Variants in UBN2 observed in about 807,000 individuals in gnomAD.
UBN2 encodes the protein ubinuclein 2.
UBN2 carries 35 observed loss-of-function variants against 120.2 expected under a neutral mutation model. That is an observed-to-expected ratio of 0.29 (90% CI 0.22 to 0.39). The LOEUF is 0.39. Among genes scored for constraint, UBN2 ranks in the 10% least tolerant of loss-of-function variants. UBN2 has a pLI of 1.00. For synonymous variants in UBN2, 661 were observed against 648.7 expected (o/e 1.02, Z -0.29); for missense variants, 1,693 against 1,663.2 (o/e 1.02, Z -0.31).
chr7:139,263,766 CAA>C (rs34511009), intron 6 of UBN2, among the ~76,000 whole-genome samples: 17 of 64,822 alleles, frequency 2.6e-4, no homozygotes, highest in Non-Finnish European at 2.4e-4. Context: ...GACTCCATCT[CAA>C]AAAAAAAAAA....
intron 2 of UBN2, among the ~76,000 whole-genome samples, chr7:139,242,226 A>C (rs1796339383): frequency 6.6e-6 from 1 of 152,240 alleles, no homozygotes; most frequent in Admixed American, 6.5e-5. Context: ...CCAAGTAGTT[A>C]GTTTTGAAAG....
intron 16 of UBN2, 126 bp downstream of exon 16, chr7:139,293,589 T>A (rs894542680): frequency 6.0e-6 from 5 of 838,242 alleles, no homozygotes; most frequent in Admixed American, 6.1e-5. Flanking sequence ...TTTTTTTTTT[T>A]AAGAAATGCA....
intron 15 of UBN2, among the ~76,000 whole-genome samples, chr7:139,291,043 T>G (rs1585029412): frequency 1.3e-5 from 2 of 152,094 alleles, no homozygotes; most frequent in East Asian, 3.8e-4. Flanking sequence ...TTTAAAATAG[T>G]CAACAAATTC....
At chr7:139,316,077 C>CAAAAAAAAAAAAAAAAAAA in the UBN2 span, among the ~76,000 whole-genome samples, 2 of 14,186 alleles carry the variant, frequency 1.4e-4, 1 homozygote, top group Non-Finnish European at 3.0e-4. Context: ...GACTTCGTCT[C>CAAAAAAAAAAAAAAAAAAA]AAAAAAAAAA....
intron 2 of UBN2, among the ~76,000 whole-genome samples, chr7:139,238,065 G>A (rs1012718135): frequency 1.3e-5 from 2 of 152,118 alleles, no homozygotes; most frequent in African/African-American, 4.8e-5. Context: ...TTTGTAGAAA[G>A]CCCCACTCCT....
chr7:139,320,086 AAG>A, the UBN2 span, among the ~76,000 whole-genome samples: 1,499 of 148,328 alleles, frequency 0.01, 34 homozygotes, highest in African/African-American at 0.035. Context: ...AAAAAAAAAA[AAG>A]AGAGAAATTT....
At position 139,305,508 on chromosome 7, in the gene UBN2, T is replaced by G. The variant is rs1798342431; in HGVS notation, c.*7672T>G. 6.6e-6 allele frequency: 1 copy of G among 152,248 alleles called. No individual in the cohort carries two copies. Among genetic ancestry groups the G allele is most frequent in the African/African-American group, 2.4e-5 (1 of 41,458 alleles). 9.4% of individuals were successfully genotyped at this position (152,248 alleles called of 1,614,324 possible). ...TAAATTTTATTTTTCTCATAGACTC[T>G]CAAAGTACCACTTGCTTGAAAGTAG... is the stretch of plus-strand genomic sequence containing the variant. On this transcript the variant is annotated 3_prime_UTR_variant, in exon 18 of 18. Transcript: ENST00000473989.
chr7:139,266,226 C>CAAAA (rs377760158), intron 6 of UBN2, 107 bp from the exon 7 acceptor site: 33 of 345,504 alleles, frequency 9.6e-5, no homozygotes, highest in South Asian at 1.7e-4. Context: ...GGCCCTATCT[C>CAAAA]AAAAAAAAAA....
chr7:139,292,568 A>G (rs1032943531), intron 15 of UBN2, among the ~76,000 whole-genome samples: 10 of 152,214 alleles, frequency 6.6e-5, no homozygotes, highest in Non-Finnish European at 1.0e-4. Flanking sequence ...TCTGTTTGAT[A>G]ATAAAAGGAA....
At chr7:139,295,616 G>A (rs767124199) in intron 17 of UBN2, among the ~76,000 whole-genome samples, 18 of 152,198 alleles carry the variant, frequency 1.2e-4, no homozygotes, top group Non-Finnish European at 2.1e-4. Context: ...AATAACTAAA[G>A]TTAAAAAGTT....
At position 139,282,055 on chromosome 7, in the gene UBN2, G is replaced by A; in HGVS notation, c.2118G>A (p.Lys706=). 2 of 1,613,320 alleles carry A rather than the reference G, an allele frequency of 1.2e-6. No individual in the cohort carries two copies. Among genetic ancestry groups the A allele is most frequent in the South Asian group, 1.1e-5 (1 of 91,046 alleles). ...TCCATTCTTTCCCCACTATGCTTAA[G>A]GTAAGTGCTATGGTTGTATCAATCA... The part of the protein sequence containing the change: ...LPLHSFPTML[K]ECSPKKDQKT... The change falls in exon 14 of 18, where the codon AAG becomes AAA. Residue 706 remains lysine, a splice_region_variant and synonymous_variant. Transcript: ENST00000473989.
At position 139,283,854 on chromosome 7, in the gene UBN2, C is replaced by G. The variant is rs1585022922; in HGVS notation, c.2949C>G (p.Pro983=). ...TSDKPLMYRL[P]LSTPSPGNGS... is the part of the protein sequence containing the mutation. The stretch of plus-strand genomic sequence containing the variant: ...ATAAGCCACTTATGTACCGCCTTCC[C>G]TTATCTACCCCCTCACCTGGAAATG... The change falls in exon 15 of 18, where the codon CCC becomes CCG. Residue 983 remains proline (P), a synonymous_variant. Coordinates refer to ENST00000473989, the MANE Select transcript of UBN2 (RefSeq NM_173569.4). The G allele has an allele frequency of 6.2e-7, 1 of 1,614,190 alleles. No individual in the cohort carries two copies. Among genetic ancestry groups the G allele is most frequent in the Middle Eastern group, 1.6e-4 (1 of 6,062 alleles).
intron 7 of UBN2, 116 bp downstream of exon 7, chr7:139,266,519 C>T: frequency 1.8e-6 from 1 of 549,674 alleles, no homozygotes; most frequent in African/African-American, 2.0e-5. Context: ...CCCCTTAAGC[C>T]TTACAGCATG....
the UBN2 span, among the ~76,000 whole-genome samples, chr7:139,328,956 G>A: frequency 6.6e-6 from 1 of 151,920 alleles, no homozygotes; most frequent in African/African-American, 2.4e-5. Flanking sequence ...TAAAAATCAT[G>A]AACTTCAGGC....
intron 17 of UBN2, among the ~76,000 whole-genome samples, chr7:139,297,282 C>T (rs992253589): frequency 2.0e-5 from 3 of 151,644 alleles, no homozygotes; most frequent in Non-Finnish European, 4.4e-5. Flanking sequence ...ACACACTCAG[C>T]TGGATGTTTT....
intron 17 of UBN2, among the ~76,000 whole-genome samples, chr7:139,295,720 G>C (rs2131071231): frequency 6.6e-6 from 1 of 152,320 alleles, no homozygotes; most frequent in South Asian, 2.1e-4. Flanking sequence ...AGGAGTTCGA[G>C]ACCAACCTGG....
rs1203992970 is a variant in UBN2, at chr7:139,231,923, C to T, written c.439C>T (p.Pro147Ser). ...TDESCVEFSY[P>S]ELLLCGEQRK... ...CGAGAGCTGCGTGGAGTTCAGTTACCCGGAGCTGCTGCTGTGCGGAGAACA... is the reference window on the plus strand; with the variant it reads ...CGAGAGCTGCGTGGAGTTCAGTTACTCGGAGCTGCTGCTGTGCGGAGAACA... The change falls in exon 1 of 18, where the codon CCG becomes TCG. Residue 147 changes from proline (P) to serine (S), a missense_variant. Physicochemically the swap from Pro to Ser is moderately conservative, Grantham distance 74. Transcript: ENST00000473989. The T allele has an allele frequency of 6.3e-7, 1 of 1,586,588 alleles. No individual in the cohort carries two copies. The highest frequency in any genetic ancestry group is 8.5e-7 in the Non-Finnish European group (1 of 1,172,704).
chr7:139,298,377 G>A lies in UBN2; in HGVS notation c.*541G>A, dbSNP rs1488201031. 6.6e-6 allele frequency: 1 copy of A among 152,448 alleles called. No individual in the cohort carries two copies. Among genetic ancestry groups the A allele is most frequent in the Non-Finnish European group, 1.5e-5 (1 of 68,284 alleles). 9.4% of individuals were successfully genotyped at this position (152,448 alleles called of 1,614,324 possible). Reference sequence around the variant, plus strand: ...GACAGTAGCTGCATAGCACACCCTCGAAAATCCTGAACAAACTTGAATCTC... The same window carrying A: ...GACAGTAGCTGCATAGCACACCCTCAAAAATCCTGAACAAACTTGAATCTC... On this transcript the variant is annotated 3_prime_UTR_variant, in exon 18 of 18. Coordinates refer to ENST00000473989, the MANE Select transcript of UBN2 (RefSeq NM_173569.4).
chr7:139,261,804 T>C, intron 6 of UBN2, 63 bp downstream of exon 6: 2 of 1,506,794 alleles, frequency 1.3e-6, no homozygotes, highest in Non-Finnish European at 1.8e-6. Context: ...ATGCTTTTGT[T>C]CGTTTGTTTT....
Sources: allele counts gnomAD v4.1 joint callset (sites outside exome capture counted in the v4.1 genomes callset), GRCh38; gene constraint gnomAD v4.1.1; transcripts MANE v1.5; gene names NCBI Gene and HGNC (gene_info 2026-07-23, HGNC 2026-07-21).